The following TAFA4 variants were observed in gnomAD, a reference collection of about 807,000 sequenced individuals.
TAFA4 encodes TAFA chemokine like family member 4.
A neutral mutation model predicts 21.1 loss-of-function variants in TAFA4; 20 were observed. That is an observed-to-expected ratio of 0.95 (90% CI 0.67 to 1.38). TAFA4 has a LOEUF of 1.38. TAFA4 is among the 40% of genes most tolerant of loss of function. The pLI, the probability that TAFA4 is intolerant of heterozygous loss-of-function variation, is 0.00. For synonymous variants in TAFA4, 71 were observed against 67.4 expected (o/e 1.05, Z -0.26); for missense variants, 211 against 180.9 (o/e 1.17, Z -0.95).
intron 3 of TAFA4, among the ~76,000 whole-genome samples, chr3:68,879,188 A>C (rs2089587720): frequency 6.6e-6 from 1 of 152,156 alleles, no homozygotes; most frequent in East Asian, 1.9e-4. Context: ...AGCCGTTTGC[A>C]GATAACACTC....
chr3:68,771,617 C>G (rs189023439), intron 3 of TAFA4, among the ~76,000 whole-genome samples: 169 of 152,152 alleles, frequency 1.1e-3, no homozygotes, highest in Non-Finnish European at 2.0e-3. Flanking sequence ...ATCAAAAGTA[C>G]CACCCCTCCA....
At chr3:68,870,343 A>C (rs904561558) in intron 3 of TAFA4, among the ~76,000 whole-genome samples, 1 of 152,142 alleles carries the variant, frequency 6.6e-6, no homozygotes, top group Non-Finnish European at 1.5e-5. Flanking sequence ...AACTTGAAAA[A>C]ACAATGCAAA....
intron 3 of TAFA4, among the ~76,000 whole-genome samples, chr3:68,839,576 C>A (rs1704607633): frequency 6.6e-6 from 1 of 152,190 alleles, no homozygotes; most frequent in Non-Finnish European, 1.5e-5. Flanking sequence ...TTCACTAACA[C>A]CCGGATGCAA....
At chr3:68,888,891 A>G (rs2089703176) in intron 1 of TAFA4, among the ~76,000 whole-genome samples, 1 of 152,122 alleles carries the variant, frequency 6.6e-6, no homozygotes, top group Non-Finnish European at 1.5e-5. Flanking sequence ...TACCATCACA[A>G]TGACAATTAA....
intron 3 of TAFA4, among the ~76,000 whole-genome samples, chr3:68,842,608 A>G (rs1289039727): frequency 1.3e-5 from 2 of 152,160 alleles, no homozygotes; most frequent in African/African-American, 4.8e-5. Flanking sequence ...TTAGCCATGA[A>G]TTCTTTGTCC....
At chr3:68,884,088 A>C (rs2089646763) in intron 2 of TAFA4, among the ~76,000 whole-genome samples, 1 of 152,250 alleles carries the variant, frequency 6.6e-6, no homozygotes, top group East Asian at 1.9e-4. Context: ...GATATTATAA[A>C]ATGAAAATAA....
At chr3:68,822,374 T>G (rs1449883535) in intron 3 of TAFA4, among the ~76,000 whole-genome samples, 1 of 152,210 alleles carries the variant, frequency 6.6e-6, no homozygotes, top group African/African-American at 2.4e-5. Flanking sequence ...CACAATCTAC[T>G]TGGCCTTTTT....
intron 1 of TAFA4, among the ~76,000 whole-genome samples, chr3:68,889,656 T>C (rs1482286827): frequency 3.9e-5 from 6 of 152,262 alleles, no homozygotes; most frequent in Non-Finnish European, 4.4e-5. Context: ...CCTCTTAAAA[T>C]TGAAAGACAC....
At position 68,805,440 on chromosome 3, in the gene TAFA4, C is replaced by A. The variant is rs555533369; in HGVS notation, c.131-52422G>T. On this transcript the variant is annotated intron_variant, in intron 3 of 5. Coordinates refer to ENST00000295569, the MANE Select transcript of TAFA4 (RefSeq NM_182522.5). ...AACTAGAAATACCATTTGACCCAGC[C>A]ATCCCATTACTGGGTATATACCCAA... 8.1e-4 allele frequency among the ~76,000 whole-genome samples: 124 copies of A among 152,270 alleles called. 1 individual carries two copies. The highest frequency in any genetic ancestry group is 2.0e-3 in the African/African-American group (82 of 41,538).
chr3:68,796,289 G>A (rs930821270), intron 3 of TAFA4, among the ~76,000 whole-genome samples: 6 of 151,994 alleles, frequency 3.9e-5, no homozygotes, highest in African/African-American at 1.5e-4. Flanking sequence ...CTGATTATAA[G>A]GTTCAGATTT....
chr3:68,807,460 T>A (rs1703726641), intron 3 of TAFA4, among the ~76,000 whole-genome samples: 1 of 152,176 alleles, frequency 6.6e-6, no homozygotes, highest in African/African-American at 2.4e-5. Flanking sequence ...CATGGGGCAT[T>A]GTAGCTTGTC....
At chr3:68,741,136 G>A (rs929881763) in intron 4 of TAFA4, among the ~76,000 whole-genome samples, 4 of 152,162 alleles carry the variant, frequency 2.6e-5, no homozygotes, top group African/African-American at 9.7e-5. Flanking sequence ...GGGGTCTTTT[G>A]TGGTTCTATA....
At chr3:68,862,738 T>C (rs1295064394) in intron 3 of TAFA4, among the ~76,000 whole-genome samples, 1 of 151,930 alleles carries the variant, frequency 6.6e-6, no homozygotes, top group Non-Finnish European at 1.5e-5. Context: ...GCTGGTACCG[T>C]CTGAGATGTC....
chr3:68,824,924 G>A (rs114139161), intron 3 of TAFA4, among the ~76,000 whole-genome samples: 2,134 of 152,208 alleles, frequency 0.014, 44 homozygotes, highest in African/African-American at 0.049. Flanking sequence ...GCTGTCCGAT[G>A]CTTGCTTGGT....
At position 68,814,495 on chromosome 3, in the gene TAFA4, A is replaced by G. The variant is rs1441723799; in HGVS notation, c.131-61477T>C. Among the ~76,000 whole-genome samples the G allele has an allele frequency of 1.4e-4, 21 of 151,278 alleles. 1 individual carries two copies. Among genetic ancestry groups the G allele is most frequent in the Admixed American group, 1.4e-3 (21 of 15,192 alleles). On this transcript the variant is annotated intron_variant, in intron 3 of 5. Coordinates refer to ENST00000295569, the MANE Select transcript of TAFA4 (RefSeq NM_182522.5). ...CTCAGGATACAAAATCAGTGTGCAA[A>G]AATCACAAGCATTCTTATACACCAA...
At chr3:68,869,454 T>G (rs2089457745) in intron 3 of TAFA4, among the ~76,000 whole-genome samples, 1 of 151,942 alleles carries the variant, frequency 6.6e-6, no homozygotes, top group Admixed American at 6.6e-5. Context: ...GATGTAAACG[T>G]CCTCAACAAA....
intron 1 of TAFA4, among the ~76,000 whole-genome samples, chr3:68,913,219 C>A (rs757423074): frequency 3.3e-5 from 5 of 152,204 alleles, no homozygotes; most frequent in Non-Finnish European, 5.9e-5. Context: ...GCTGTACATG[C>A]ATCTTCCATC....
chr3:68,920,674 A>G (rs1181768641), intron 1 of TAFA4, among the ~76,000 whole-genome samples: 7 of 91,556 alleles, frequency 7.6e-5, no homozygotes, highest in Non-Finnish European at 1.5e-4. Context: ...CAACTTGTGT[A>G]TTCCCTGCAG....
At chr3:68,765,761 T>C (rs1702841490) in intron 3 of TAFA4, among the ~76,000 whole-genome samples, 1 of 152,244 alleles carries the variant, frequency 6.6e-6, no homozygotes, top group South Asian at 2.1e-4. Context: ...TTGACAGACA[T>C]TTAATAGCCT....
Sources: gnomAD v4.1 joint callset for allele counts (sites outside exome capture counted in the v4.1 genomes callset) on GRCh38, gnomAD v4.1.1 for gene constraint, MANE v1.5 for transcripts, NCBI Gene and HGNC (gene_info 2026-07-23, HGNC 2026-07-21) for gene names.